The following SYNC variants were observed in gnomAD, a reference collection of about 807,000 sequenced individuals.
The protein encoded by SYNC is syncoilin, intermediate filament protein.
In SYNC, 38 loss-of-function variants were observed where a neutral mutation model predicts 49.5. The observed-to-expected ratio is 0.77, with a 90% confidence interval of 0.59 to 1.01. The LOEUF is 1.01. Among genes scored for constraint, SYNC ranks in the 50% least tolerant of loss-of-function variants. The pLI is 0.00. For synonymous variants in SYNC, 201 were observed against 230.8 expected, an observed-to-expected ratio of 0.87 and a Z score of 1.17; for missense variants, 579 against 580.6, an observed-to-expected ratio of 1.00 and a Z score of 0.03.
In SYNC at chr1:32,680,813, C is replaced by G. The variant is rs1176175132; in HGVS notation, c.*1037G>C. On this transcript the variant is annotated 3_prime_UTR_variant, in exon 5 of 5. Coordinates refer to ENST00000409190, the MANE Select transcript of SYNC (RefSeq NM_030786.3). ...CAGAGCTGTAGAAAAGAACTTTACT[C>G]CTTCCCAGGGAAAGTGAAAGACATA... 4.9e-6 allele frequency: 2 copies of G among 405,460 alleles called. No homozygotes were observed. Among genetic ancestry groups the G allele is most frequent in the Non-Finnish European group, 8.9e-6 (2 of 224,828 alleles). The allele number at this position is 405,460 out of a possible 1,614,324, so 25.1% of individuals were successfully genotyped here.
upstream of SYNC, chr1:32,702,844 T>G: frequency 3.4e-6 from 1 of 296,302 alleles, no homozygotes. This position sits in a 1 kb window ranked among gnomAD's most constrained non-coding sequence, Gnocchi z 6.2. Flanking sequence ...CGCGCGGACC[T>G]GGGGGCGGGG....
intron 4 of SYNC, 162 bp downstream of exon 4, chr1:32,683,848 G>A (rs527999892): frequency 2.7e-4 from 174 of 648,428 alleles, no homozygotes; most frequent in Non-Finnish European, 2.9e-4. Flanking sequence ...GGCCAGGCTG[G>A]TCTTGAACTC....
Position 32,684,079 on chromosome 1 carries a change from GTAGCA to G in SYNC, c.1364_1368del (p.Met455ThrfsTer9). The G allele has an allele frequency of 6.2e-7, 1 of 1,613,162 alleles. No individual in the cohort carries two copies. Among genetic ancestry groups the G allele is most frequent in the South Asian group, 1.1e-5 (1 of 91,060 alleles). The stretch of plus-strand genomic sequence containing the variant: ...TCAGCCTGTTCCAGGCTCTTGGGTA[GTAGCA>G]TAGCCCTTTAAAAAGAGAGAGCCAT... On this transcript the variant is annotated frameshift_variant, in exon 4 of 5. Transcript: ENST00000409190. LOFTEE classifies it high-confidence loss of function.
chr1:32,701,416 G>A (rs1650664568), intron 1 of SYNC, among the ~76,000 whole-genome samples: 1 of 152,160 alleles, frequency 6.6e-6, no homozygotes, highest in East Asian at 1.9e-4. Context: ...CTAAGGACAA[G>A]CAGAGTTCTC....
chr1:32,686,424 A>G (rs1026618940), intron 2 of SYNC, among the ~76,000 whole-genome samples: 1 of 152,192 alleles, frequency 6.6e-6, no homozygotes, highest in Non-Finnish European at 1.5e-5. Context: ...ATGTCTGTCT[A>G]CAGTTGCCCC....
chr1:32,689,182 C>T (rs1297696535), intron 2 of SYNC, among the ~76,000 whole-genome samples: 5 of 149,158 alleles, frequency 3.4e-5, no homozygotes, highest in African/African-American at 1.2e-4. Flanking sequence ...GTGATCCGCC[C>T]GCCTCGGCCT....
chr1:32,685,877 ATTAACT>A (rs985312491), intron 2 of SYNC: 5 of 152,292 alleles, frequency 3.3e-5, no homozygotes, highest in South Asian at 2.1e-4. Flanking sequence ...TAACCACTAG[ATTAACT>A]TTACAATCAA....
intron 2 of SYNC, among the ~76,000 whole-genome samples, chr1:32,693,832 G>A (rs548305222): frequency 1.3e-5 from 2 of 152,310 alleles, no homozygotes; most frequent in African/African-American, 4.8e-5. Context: ...GAAGATGAGA[G>A]GATTCTATTA....
rs1031416159 is a variant in SYNC, at chr1:32,695,944, A to T, written c.154T>A (p.Ser52Thr). The T allele has an allele frequency of 3.2e-6, 5 of 1,549,144 alleles. No individual in the cohort carries two copies. The African/African-American group carries it at 5.5e-5, about 17-fold the overall frequency. The change falls in exon 2 of 5, where the codon TCC (serine) becomes ACC (threonine). Residue 52 changes from serine to threonine, a missense_variant. Transcript: ENST00000409190. ...NPEVTLSSEG[S>T]LNLEDILYLE... Reference sequence around the variant, plus strand: ...TAGAGAATGTCTTCGAGGTTTAAGGACCCCTCTGAAGATAGAGTAACTTCT... The same window carrying T: ...TAGAGAATGTCTTCGAGGTTTAAGGTCCCCTCTGAAGATAGAGTAACTTCT...
At chr1:32,686,414 A>G (rs1456444025) in intron 2 of SYNC, among the ~76,000 whole-genome samples, 1 of 152,198 alleles carries the variant, frequency 6.6e-6, no homozygotes, top group Admixed American at 6.6e-5. Flanking sequence ...GGGCCAGGAC[A>G]TGTCTGTCTA....
intron 2 of SYNC, among the ~76,000 whole-genome samples, chr1:32,692,058 C>T (rs1011616166): frequency 6.6e-6 from 1 of 152,156 alleles, no homozygotes; most frequent in Middle Eastern, 3.4e-3. Flanking sequence ...CGGTGAAACC[C>T]CGTCTCTATT....
At chr1:32,687,342 CAA>C (rs1481383939) in intron 2 of SYNC, among the ~76,000 whole-genome samples, 2 of 111,166 alleles carry the variant, frequency 1.8e-5, no homozygotes, top group African/African-American at 7.1e-5. Context: ...GCCTGGGGGA[CAA>C]GAGCGAGACT....
Position 32,684,257 on chromosome 1 carries a change from CTT to C in SYNC, c.1357_1358del (p.Lys453GlyfsTer12). On this transcript the variant is annotated frameshift_variant and splice_region_variant, in exon 3 of 5. Transcript: ENST00000409190. LOFTEE classifies it high-confidence loss of function. ...AGATTTGTATAGCAGCAGAAACTGA[CTT>C]ATAAGTAGAGAGCTCTTCAGCAAGA... is the stretch of plus-strand genomic sequence containing the variant. ...LSLAEELSTY[K>X]AMLLPKSLEQ... The C allele has an allele frequency of 6.2e-7, 1 of 1,614,184 alleles. No individual in the cohort carries two copies. Among genetic ancestry groups the C allele is most frequent in the Non-Finnish European group, 8.5e-7 (1 of 1,180,030 alleles).
At position 32,702,525 on chromosome 1, in the gene SYNC, G is replaced by T. The variant is rs2148566796; in HGVS notation, c.53+83C>A. ...CACTACCCCTAGACAGGCGAAAGAC[G>T]CCCGCGGTCGGGGGGAAAGGGAACC... On this transcript the variant is annotated intron_variant, in intron 1 of 4. Coordinates refer to ENST00000409190, the MANE Select transcript of SYNC (RefSeq NM_030786.3). This position sits in a 1 kb window ranked among gnomAD's most constrained non-coding sequence, Gnocchi z 6.2. 3 of 1,173,754 alleles carry T rather than the reference G, an allele frequency of 2.6e-6. No individual in the cohort carries two copies. Among genetic ancestry groups the T allele is most frequent in the South Asian group, 4.3e-5 (1 of 23,176 alleles). The allele number at this position is 1,173,754 out of a possible 1,614,324, so 72.7% of individuals were successfully genotyped here.
chr1:32,684,357 C>T lies in SYNC; in HGVS notation c.1259G>A (p.Arg420His), dbSNP rs1323145913. 1.3e-5 allele frequency: 21 copies of T among 1,614,134 alleles called. No individual in the cohort carries two copies. In the East Asian group the frequency reaches 2.0e-4, roughly 15 times the overall value. Reference sequence around the variant, plus strand: ...CACCCCATTTCTTAACTGCCTCTGGCGTTCTTCCATTTCCTCCAGCTGTTC... The same window carrying T: ...CACCCCATTTCTTAACTGCCTCTGGTGTTCTTCCATTTCCTCCAGCTGTTC... The part of the protein sequence containing the change: ...YREQLEEMEE[R>H]QRQLRNGVQL... Residue 420 changes from arginine to histidine, a missense_variant, in exon 3 of 5, where the codon CGC becomes CAC. Transcript: ENST00000409190.
rs1204524141 is a variant in SYNC at position 32,680,036 on chromosome 1, T to C, written c.*1814A>G. 60 of 1,109,118 alleles carry C rather than the reference T, an allele frequency of 5.4e-5. No homozygotes were observed. The highest frequency in any genetic ancestry group is 6.5e-5 in the Non-Finnish European group (59 of 910,194). 68.7% of individuals were successfully genotyped at this position (1,109,118 alleles called of 1,614,324 possible). ...TTTTCAGACTCATTTAAGTAAAGGCTAGAGTGAGTAAGGAATAGAGCCAAA... is the reference window on the plus strand; with the variant it reads ...TTTTCAGACTCATTTAAGTAAAGGCCAGAGTGAGTAAGGAATAGAGCCAAA... On this transcript the variant is annotated 3_prime_UTR_variant, in exon 5 of 5. Transcript: ENST00000409190.
chr1:32,696,155 C>A, intron 1 of SYNC, 111 bp from the exon 2 acceptor site: 2 of 838,454 alleles, frequency 2.4e-6, no homozygotes, highest in Non-Finnish European at 3.6e-6. Context: ...ATGTCAGCAG[C>A]CATTCGTCTG....
At chr1:32,687,832 G>GAAT (rs1557871578) in intron 2 of SYNC, among the ~76,000 whole-genome samples, 109 of 22,518 alleles carry the variant, frequency 4.8e-3, no homozygotes, top group Admixed American at 0.025. Flanking sequence ...CCTGCCCAGT[G>GAAT]AATTATTATT....
Position 32,695,743 on chromosome 1 carries a change from G to A in SYNC, c.355C>T (p.Gln119Ter). ...VEETTEPDRI[Q>*]FVEGPVEPGK... ...GGCTCCACGGGCCCCTCCACAAACT[G>A]TATCCGATCTGGCTCCGTGGTTTCC... Residue 119 changes from glutamine (Q) to a stop codon, truncating the protein, a stop_gained, in exon 2 of 5, where the codon CAG becomes TAG. Transcript: ENST00000409190. LOFTEE classifies it high-confidence loss of function. The A allele has an allele frequency of 6.4e-7, 1 of 1,551,496 alleles. No homozygotes were observed. Among genetic ancestry groups the A allele is most frequent in the South Asian group, 1.2e-5 (1 of 84,054 alleles).
Sources: gnomAD v4.1 joint callset for allele counts (sites outside exome capture counted in the v4.1 genomes callset) on GRCh38, gnomAD v4.1.1 for gene constraint, Gnocchi (gnomAD v3.1) non-coding constraint, MANE v1.5 for transcripts, NCBI Gene and HGNC (gene_info 2026-07-23, HGNC 2026-07-21) for gene names.